The following ADAMTS12 variants were observed in gnomAD, a reference collection of about 807,000 sequenced individuals.
ADAMTS12 encodes the protein A disintegrin and metalloproteinase with thrombospondin motifs 12.
Under a neutral mutation model 167.8 loss-of-function variants are expected in ADAMTS12, and 118 were observed. The ratio of observed to expected loss-of-function variants is 0.70; its 90% CI spans 0.61 to 0.82. The LOEUF is 0.82. ADAMTS12 is among the 40% of genes least tolerant of loss of function. The pLI is 0.00. For synonymous variants in ADAMTS12, 704 were observed against 716.9 expected, an observed-to-expected ratio of 0.98 and a Z score of 0.29; for missense variants, 1,916 against 1,998.8, an observed-to-expected ratio of 0.96 and a Z score of 0.79.
chr5:33,568,865 C>T (rs925000532), intron 19 of ADAMTS12, among the ~76,000 whole-genome samples: 6 of 152,212 alleles, frequency 3.9e-5, no homozygotes, highest in African/African-American at 1.4e-4. Flanking sequence ...ACAGATGGCA[C>T]CTGGAAAATC....
chr5:33,544,215 A>G (rs1210382043), intron 22 of ADAMTS12, among the ~76,000 whole-genome samples: 1 of 152,176 alleles, frequency 6.6e-6, no homozygotes, highest in Non-Finnish European at 1.5e-5. Flanking sequence ...TTATACAACA[A>G]TAACAGACAA....
chr5:33,540,014 C>T (rs1744610660), intron 22 of ADAMTS12, among the ~76,000 whole-genome samples: 1 of 152,230 alleles, frequency 6.6e-6, no homozygotes, highest in Non-Finnish European at 1.5e-5. Flanking sequence ...GTCGCTTCAC[C>T]CGGGAAGTGC....
chr5:33,881,263 A>C lies in ADAMTS12; in HGVS notation c.345T>G (p.Asn115Lys), dbSNP rs759501448. 2.5e-6 allele frequency: 4 copies of C among 1,614,182 alleles called. No individual in the cohort carries two copies. The highest frequency in any genetic ancestry group is 3.4e-6 in the Non-Finnish European group (4 of 1,180,032). Residue 115 changes from asparagine to lysine, a missense_variant, in exon 2 of 24, where the codon AAT (asparagine) becomes AAG (lysine). Asn to Lys is a moderately conservative substitution (Grantham distance 94). Transcript: ENST00000504830. ...NLTVNQGFLSNSYIMEKRYGN... is the reference protein window; with the variant it reads ...NLTVNQGFLSKSYIMEKRYGN... The stretch of plus-strand genomic sequence containing the variant: ...CATATCTCTTCTCCATGATGTAGCT[A>C]TTGGAAAGAAATCCTTGATTGACCG...
At chr5:33,740,800 G>A (rs766129016) in intron 3 of ADAMTS12, among the ~76,000 whole-genome samples, 4 of 152,140 alleles carry the variant, frequency 2.6e-5, no homozygotes, top group Non-Finnish European at 4.4e-5. Flanking sequence ...TGGGGCCAGG[G>A]AACCAAGGGG....
intron 2 of ADAMTS12, among the ~76,000 whole-genome samples, chr5:33,778,667 A>C (rs1371353492): frequency 1.3e-5 from 2 of 152,210 alleles, no homozygotes; most frequent in African/African-American, 4.8e-5. Context: ...AAAATAGAGA[A>C]ATTGGATTGC....
In ADAMTS12 at chr5:33,612,594, C is replaced by A. The variant is rs1440748620; in HGVS notation, c.2527+1644G>T. ...CTTGTACTTCATAGAAAGATGAGAA[C>A]AAAGGGGATGACAAATCAACAAAGT... On this transcript the variant is annotated intron_variant, in intron 16 of 23. Transcript: ENST00000504830. Among the ~76,000 whole-genome samples the A allele has an allele frequency of 3.9e-5, 6 of 152,306 alleles. No individual in the cohort carries two copies. The East Asian group carries it at 1.2e-3, about 29-fold the overall frequency.
intron 3 of ADAMTS12, among the ~76,000 whole-genome samples, chr5:33,696,316 G>T (rs1216535555): frequency 6.6e-6 from 1 of 151,474 alleles, no homozygotes; most frequent in African/African-American, 2.4e-5. Flanking sequence ...AGCTACTCGG[G>T]AGGCTGAGGC....
rs186962689 is a variant in ADAMTS12, at chr5:33,727,948, G to A, written c.634+23456C>T. On this transcript the variant is annotated intron_variant, in intron 3 of 23. Transcript: ENST00000504830. Reference sequence around the variant, plus strand: ...GGCACCTGTCACATTCACACTCTACGCTCAGCATCTTTAATGCAAGCCCTC... The same window carrying A: ...GGCACCTGTCACATTCACACTCTACACTCAGCATCTTTAATGCAAGCCCTC... Among the ~76,000 whole-genome samples the A allele has an allele frequency of 7.4e-4, 112 of 152,230 alleles. 1 individual carries two copies. The highest frequency in any genetic ancestry group is 5.3e-3 in the Admixed American group (81 of 15,292).
chr5:33,795,341 GAAC>G (rs1443571187), intron 2 of ADAMTS12, among the ~76,000 whole-genome samples: 2 of 152,084 alleles, frequency 1.3e-5, no homozygotes, highest in African/African-American at 4.8e-5. Context: ...ATCCCTGTGG[GAAC>G]AACAACAAAA....
intron 2 of ADAMTS12, among the ~76,000 whole-genome samples, chr5:33,853,846 G>A (rs1460255572): frequency 6.6e-6 from 1 of 152,170 alleles, no homozygotes; most frequent in African/African-American, 2.4e-5. Context: ...GCTGACCAGG[G>A]GAGGATCTGA....
In ADAMTS12 at chr5:33,576,099, T is replaced by G; in HGVS notation, c.3927A>C (p.Thr1309=). The part of the protein sequence containing the change: ...LLNASNYKQL[T]NGHGSAHWIV... Reference sequence around the variant, plus strand: ...TCCAGTGTGCAGAGCCGTGGCCGTTTGTGAGCTGCTTGTAATTGGAGGCAT... The same window carrying G: ...TCCAGTGTGCAGAGCCGTGGCCGTTGGTGAGCTGCTTGTAATTGGAGGCAT... The change falls in exon 19 of 24, where the codon ACA becomes ACC. Residue 1309 remains threonine, a synonymous_variant. Coordinates refer to ENST00000504830, the MANE Select transcript of ADAMTS12 (RefSeq NM_030955.4). The G allele has an allele frequency of 6.2e-7, 1 of 1,614,164 alleles. No homozygotes were observed. Among genetic ancestry groups the G allele is most frequent in the Non-Finnish European group, 8.5e-7 (1 of 1,180,014 alleles).
rs545606701 is a variant in ADAMTS12, at chr5:33,543,111, C to T, written c.4446+2948G>A. ...GAAAAGATCAACAAAATTGATAGAC[C>T]GCTAGCAAGACTAAAAAAGAAGAAA... On this transcript the variant is annotated intron_variant, in intron 22 of 23. Transcript: ENST00000504830. Among the ~76,000 whole-genome samples, 69 of 152,006 alleles carry T rather than the reference C, an allele frequency of 4.5e-4. 1 individual carries two copies. The South Asian group carries it at 8.1e-3, about 18-fold the overall frequency.
intron 2 of ADAMTS12, among the ~76,000 whole-genome samples, chr5:33,813,549 A>C (rs1054614248): frequency 6.6e-6 from 1 of 152,226 alleles, no homozygotes; most frequent in African/African-American, 2.4e-5. Flanking sequence ...AGTAGAATAC[A>C]GTAGAAATTA....
chr5:33,798,434 C>CTTTTTTT (rs3037113), intron 2 of ADAMTS12, among the ~76,000 whole-genome samples: 62 of 69,220 alleles, frequency 9.0e-4, no homozygotes, highest in Non-Finnish European at 1.2e-3. Context: ...TTCTTTGTAT[C>CTTTTTTT]TTTTTTTTTT....
chr5:33,555,279 C>G (rs1745439184), intron 20 of ADAMTS12, among the ~76,000 whole-genome samples: 1 of 152,180 alleles, frequency 6.6e-6, no homozygotes, highest in African/African-American at 2.4e-5. Context: ...GGGTCTCACT[C>G]TGCTGCCCAG....
chr5:33,552,676 T>A (rs1209711409), intron 20 of ADAMTS12, among the ~76,000 whole-genome samples: 1 of 152,160 alleles, frequency 6.6e-6, no homozygotes, highest in Non-Finnish European at 1.5e-5. Context: ...GATCAGATAG[T>A]TGTAGGTGTG....
intron 3 of ADAMTS12, among the ~76,000 whole-genome samples, chr5:33,743,573 C>T (rs1744674343): frequency 6.6e-6 from 1 of 152,182 alleles, no homozygotes; most frequent in African/African-American, 2.4e-5. Flanking sequence ...TACATTTCTG[C>T]CTGCTTCAAT....
chr5:33,612,582 G>T (rs1331078354), intron 16 of ADAMTS12, among the ~76,000 whole-genome samples: 1 of 152,180 alleles, frequency 6.6e-6, no homozygotes, highest in Non-Finnish European at 1.5e-5. Context: ...GTACTTCATA[G>T]AAAGATGAGA....
At chr5:33,549,073 G>C in intron 21 of ADAMTS12, 134 bp downstream of exon 21, 2 of 1,122,708 alleles carry the variant, frequency 1.8e-6, no homozygotes, top group East Asian at 5.2e-5. Flanking sequence ...TACAGGGTGG[G>C]GTCACTGAAC....
Sources: gnomAD v4.1 joint callset for allele counts (sites outside exome capture counted in the v4.1 genomes callset) on GRCh38, gnomAD v4.1.1 for gene constraint, MANE v1.5 for transcripts, NCBI Gene and HGNC (gene_info 2026-07-23, HGNC 2026-07-21) for gene names.